PYHIN1: variants seen among roughly 807,000 people sequenced by gnomAD.
The protein encoded by PYHIN1 is pyrin and HIN domain-containing protein 1.
Under a neutral mutation model 43.7 loss-of-function variants are expected in PYHIN1, and 32 were observed. The observed-to-expected ratio is 0.73, with a 90% CI of 0.55 to 0.98. The LOEUF (loss-of-function observed/expected upper bound fraction) is 0.98, where lower values mean the gene tolerates loss of function less well. Among genes scored for constraint, PYHIN1 ranks in the 50% least tolerant of loss-of-function variants. The pLI, the probability that PYHIN1 is intolerant of heterozygous loss-of-function variation, is 0.00. For synonymous variants in PYHIN1, 205 were observed against 203.1 expected, an observed-to-expected ratio of 1.01 and a Z score of -0.08; for missense variants, 588 against 589.5, an observed-to-expected ratio of 1.00 and a Z score of 0.03.
chr1:158,935,205 A>T (rs548292738), intron 1 of PYHIN1, among the ~76,000 whole-genome samples: 1 of 152,220 alleles, frequency 6.6e-6, no homozygotes, highest in South Asian at 2.1e-4. Context: ...CTTTCCAGGC[A>T]ATGAGAAGAG....
At chr1:158,988,662 T>C in the PYHIN1 span, among the ~76,000 whole-genome samples, 4 of 152,320 alleles carry the variant, frequency 2.6e-5, no homozygotes, top group Non-Finnish European at 4.4e-5. Context: ...CTGTAAGTGA[T>C]GAACTTGGAT....
chr1:158,932,411 T>C (rs1348697038), intron 1 of PYHIN1, among the ~76,000 whole-genome samples: 1 of 152,110 alleles, frequency 6.6e-6, no homozygotes, highest in Non-Finnish European at 1.5e-5. Context: ...GACACACAGT[T>C]TACTCATTTA....
At position 158,947,790 on chromosome 1, in the gene PYHIN1, C is replaced by G. The variant is rs74125606; in HGVS notation, c.1359+2748C>G. Among the ~76,000 whole-genome samples, 526 of 152,322 alleles carry G rather than the reference C, an allele frequency of 3.5e-3. 6 individuals are homozygous for G. The highest frequency in any genetic ancestry group is 0.012 in the African/African-American group (510 of 41,562). The stretch of plus-strand genomic sequence containing the variant: ...CACCTGTAGGTAATTAATCTGATCA[C>G]CAACCCCCAAGTAAAGAGCGATTAT... On this transcript the variant is annotated intron_variant, in intron 7 of 8. Coordinates refer to ENST00000368140, the MANE Select transcript of PYHIN1 (RefSeq NM_152501.5).
rs368736434 is a variant in PYHIN1, at chr1:158,937,090, C to T, written c.180C>T (p.Ala60=). Residue 60 remains alanine, a synonymous_variant, in exon 2 of 9, where the codon GCC becomes GCT. Coordinates refer to ENST00000368140, the MANE Select transcript of PYHIN1 (RefSeq NM_152501.5). Reference sequence around the variant, plus strand: ...TGGAGGAAAAGTTCCCAGGTGATGCCGGTTTGGGCAAACTAATAGAATTCT... The same window carrying T: ...TGGAGGAAAAGTTCCCAGGTGATGCTGGTTTGGGCAAACTAATAGAATTCT... ...DLMEEKFPGD[A]GLGKLIEFFK... 4.2e-5 allele frequency: 68 copies of T among 1,613,842 alleles called. No homozygotes were observed. The Middle Eastern group carries it at 4.9e-4, about 12-fold the overall frequency.
At chr1:158,985,435 T>C in the PYHIN1 span, among the ~76,000 whole-genome samples, 1 of 152,190 alleles carries the variant, frequency 6.6e-6, no homozygotes, top group Non-Finnish European at 1.5e-5. Flanking sequence ...GGATATGAAA[T>C]CATGGTTAGA....
chr1:158,959,463 A>C (rs1476443693), intron 7 of PYHIN1, among the ~76,000 whole-genome samples: 7 of 152,228 alleles, frequency 4.6e-5, no homozygotes, highest in Admixed American at 4.6e-4. Context: ...TAAACAAGCT[A>C]TTTAGATAAA....
chr1:158,977,653 A>G (rs531470480), downstream of PYHIN1, among the ~76,000 whole-genome samples: 11 of 152,276 alleles, frequency 7.2e-5, no homozygotes, highest in East Asian at 1.5e-3. Context: ...TATGGATCAT[A>G]TATTTGGCAC....
At chr1:158,980,523 C>G (rs1281933904), downstream of PYHIN1, among the ~76,000 whole-genome samples, 1 of 151,964 alleles carries the variant, frequency 6.6e-6, no homozygotes, top group African/African-American at 2.4e-5. Context: ...GGAATGCGTT[C>G]CTGGGGAGAG....
rs750142836 is a variant in PYHIN1 at position 158,942,062 on chromosome 1, C to T, written c.665C>T (p.Ala222Val). 1.9e-6 allele frequency: 3 copies of T among 1,613,916 alleles called. No individual in the cohort carries two copies. The highest frequency in any genetic ancestry group is 1.1e-5 in the South Asian group (1 of 91,020). Reference protein sequence around the residue: ...EDPIIAMVLNATKVFKYESSE... With the variant: ...EDPIIAMVLNVTKVFKYESSE... ...CCAATAATCGCGATGGTACTAAATG[C>T]AACAAAAGTATTTAAATATGAATCC... Residue 222 changes from alanine to valine, a missense_variant, in exon 5 of 9, where the codon GCA (alanine) becomes GTA (valine). Physicochemically the swap from Ala to Val is moderately conservative, Grantham distance 64 (BLOSUM62 0). Transcript: ENST00000368140.
the PYHIN1 span, among the ~76,000 whole-genome samples, chr1:158,986,646 G>A: frequency 6.6e-6 from 1 of 152,190 alleles, no homozygotes; most frequent in Non-Finnish European, 1.5e-5. Flanking sequence ...GGGACACTCT[G>A]ATCAAACCAG....
At position 158,957,680 on chromosome 1, in the gene PYHIN1, A is replaced by G. The variant is rs1481958009; in HGVS notation, c.1359+12638A>G. On this transcript the variant is annotated intron_variant, in intron 7 of 8. Transcript: ENST00000368140. ...GAAGAAAACCTAGGCATTACCATTCAGGACATAGGCATGGGCAAGGACTTC... is the reference window on the plus strand; with the variant it reads ...GAAGAAAACCTAGGCATTACCATTCGGGACATAGGCATGGGCAAGGACTTC... 1.2e-4 allele frequency among the ~76,000 whole-genome samples: 17 copies of G among 143,654 alleles called. No homozygotes were observed. In the East Asian group the frequency reaches 3.2e-3, roughly 27 times the overall value. 94.2% of individuals were successfully genotyped at this position (143,654 alleles called of 152,430 possible). A position where few individuals can be genotyped will look rare whatever the true frequency, so the allele number is the denominator to read the frequency against.
chr1:158,990,466 T>C, the PYHIN1 span, among the ~76,000 whole-genome samples: 6,244 of 152,118 alleles, frequency 0.041, 348 homozygotes, highest in East Asian at 0.26. Context: ...TGTGAGGTGG[T>C]TAAATCTCTC....
intron 7 of PYHIN1, among the ~76,000 whole-genome samples, chr1:158,949,857 A>AT (rs1364866938): frequency 1.3e-5 from 2 of 152,210 alleles, no homozygotes; most frequent in East Asian, 3.8e-4. Context: ...AGCGGCATTA[A>AT]TTGCATTACC....
the PYHIN1 span, among the ~76,000 whole-genome samples, chr1:158,983,073 A>G: frequency 6.6e-6 from 1 of 152,188 alleles, no homozygotes; most frequent in African/African-American, 2.4e-5. Flanking sequence ...GTATAGAATC[A>G]TATTACCTGC....
chr1:158,978,719 C>T (rs856131), downstream of PYHIN1, among the ~76,000 whole-genome samples: 133,302 of 152,134 alleles, frequency 0.88, 59,913 homozygotes, highest in Middle Eastern at 0.98. Context: ...CTTCTAAGGA[C>T]AGTCATGTCT....
chr1:158,969,780 T>A (rs931226793), intron 7 of PYHIN1, among the ~76,000 whole-genome samples: 7 of 151,976 alleles, frequency 4.6e-5, no homozygotes, highest in African/African-American at 9.7e-5. Context: ...GGAGTGACAG[T>A]TTCTAAGTTC....
intron 4 of PYHIN1, chr1:158,940,259 A>G (rs994920615): frequency 1.3e-4 from 20 of 151,352 alleles, no homozygotes; most frequent in Non-Finnish European, 1.5e-5. Flanking sequence ...AAAAAAAAGG[A>G]AACCATATTC....
intron 7 of PYHIN1, among the ~76,000 whole-genome samples, chr1:158,969,543 T>C (rs1052944662): frequency 3.9e-5 from 6 of 152,032 alleles, no homozygotes; most frequent in Non-Finnish European, 7.4e-5. Flanking sequence ...GCTGCTTTTG[T>C]TCTTTTTGAC....
At chr1:158,968,668 A>G (rs147463676) in intron 7 of PYHIN1, among the ~76,000 whole-genome samples, 6,078 of 152,238 alleles carry the variant, frequency 0.04, 399 homozygotes, top group African/African-American at 0.14. Context: ...ACCACTATTC[A>G]CAATAGCAAA....
Sources: gnomAD v4.1 joint callset for allele counts (sites outside exome capture counted in the v4.1 genomes callset) on GRCh38, gnomAD v4.1.1 for gene constraint, MANE v1.5 for transcripts, NCBI Gene and HGNC (gene_info 2026-07-23, HGNC 2026-07-21) for gene names.